Variants in GREB1 observed in about 807,000 individuals in gnomAD.
The protein encoded by GREB1 is growth regulating estrogen receptor binding 1.
A neutral mutation model predicts 200.7 loss-of-function variants in GREB1; 106 were observed. The observed-to-expected ratio is 0.53, with a 90% CI of 0.45 to 0.62. The LOEUF is 0.62. Ranked by LOEUF, GREB1 falls within the 20% of genes least tolerant of loss-of-function variation. The probability of loss-of-function intolerance (pLI) is 0.00; values close to 1 mark genes in which losing one functional copy is unlikely to be tolerated. For missense variants in GREB1, 2,243 were observed against 2,556.8 expected, an observed-to-expected ratio of 0.88 and a Z score of 2.65; for synonymous variants, 1,132 against 1,092.4, an observed-to-expected ratio of 1.04 and a Z score of -0.72.
chr2:11,582,492 C>T (rs943736890), intron 7 of GREB1, among the ~76,000 whole-genome samples: 2 of 152,216 alleles, frequency 1.3e-5, no homozygotes, highest in African/African-American at 2.4e-5. Context: ...TCTCTCCACC[C>T]GCCTATTAAA....
Position 11,592,864 on chromosome 2 carries a change from C to G in GREB1, c.1434C>G (p.Tyr478Ter). 6.3e-7 allele frequency: 1 copy of G among 1,599,538 alleles called. No homozygotes were observed. The highest frequency in any genetic ancestry group is 8.5e-7 in the Non-Finnish European group (1 of 1,175,166). ...RESHLTEIRQ[Y>*]QQAPPQPFPP... Reference sequence around the variant, plus strand: ...CGCACCTGACCGAGATCCGGCAGTACCAGCAGGCGCCGCCGCAGCCCTTCC... The same window carrying G: ...CGCACCTGACCGAGATCCGGCAGTAGCAGCAGGCGCCGCCGCAGCCCTTCC... The change falls in exon 11 of 33, where the codon TAC becomes TAG. Residue 478 changes from tyrosine (Y) to a stop codon, truncating the protein, a stop_gained. Transcript: ENST00000381486. LOFTEE classifies it high-confidence loss of function.
At chr2:11,537,123 T>TGTACAGATTACA in intron 1 of GREB1, among the ~76,000 whole-genome samples, 1 of 151,958 alleles carries the variant, frequency 6.6e-6, no homozygotes, top group South Asian at 2.1e-4. Context: ...CCACCGCGCC[T>TGTACAGATTACA]GGCTGATTTT....
At chr2:11,575,911 C>A (rs534241787) in intron 4 of GREB1, among the ~76,000 whole-genome samples, 80 of 152,212 alleles carry the variant, frequency 5.3e-4, no homozygotes, top group Admixed American at 9.2e-4. Context: ...CCCTCAAGCA[C>A]GTTAAATCTT....
rs770302375 is a variant in GREB1 at position 11,595,333 on chromosome 2, G to C, written c.1779G>C (p.Thr593=). 45 of 1,613,822 alleles carry C rather than the reference G, an allele frequency of 2.8e-5. No individual in the cohort carries two copies. Among genetic ancestry groups the C allele is most frequent in the Non-Finnish European group, 3.6e-5 (43 of 1,179,898 alleles). ...AGGAAGTCAATTACGAGCTGGTTAC[G>C]GGGAAGGTAGACTCGCTGGGGGCCT... ...YQKEVNYELV[T]GKVDSLGAFF... is the part of the protein sequence containing the mutation. The change falls in exon 12 of 33, where the codon ACG becomes ACC. Residue 593 remains threonine, a synonymous_variant. Coordinates refer to ENST00000381486, the MANE Select transcript of GREB1 (RefSeq NM_014668.4).
At chr2:11,594,877 G>A (rs1681065545) in intron 11 of GREB1, among the ~76,000 whole-genome samples, 1 of 152,000 alleles carries the variant, frequency 6.6e-6, no homozygotes, top group African/African-American at 2.4e-5. Context: ...TGTATTTTTA[G>A]TAGAGACGGG....
At chr2:11,545,560 C>T (rs1338618170) in intron 1 of GREB1, among the ~76,000 whole-genome samples, 1 of 152,142 alleles carries the variant, frequency 6.6e-6, no homozygotes, top group Non-Finnish European at 1.5e-5. Context: ...TAAAAAGCAA[C>T]TTAAAAAAAA....
chr2:11,607,424 ATGTATG>A (rs1295525368), intron 17 of GREB1, among the ~76,000 whole-genome samples: 17 of 77,022 alleles, frequency 2.2e-4, no homozygotes, highest in Admixed American at 1.6e-3. Context: ...CATCCAGTAT[ATGTATG>A]TGTGTGTGTG....
At chr2:11,572,818 C>A (rs992711051) in intron 4 of GREB1, among the ~76,000 whole-genome samples, 1 of 152,176 alleles carries the variant, frequency 6.6e-6, no homozygotes, top group East Asian at 1.9e-4. Flanking sequence ...CAAATCCTAA[C>A]TCCAGCACTT....
Position 11,569,201 on chromosome 2 carries a change from G to A in GREB1, c.454+2545G>A, listed in dbSNP as rs977311910. Among the ~76,000 whole-genome samples the A allele has an allele frequency of 4.6e-5, 7 of 152,302 alleles. No homozygotes were observed. The South Asian group carries it at 6.2e-4, about 14-fold the overall frequency. ...GACATAAAAAAGGAAAACATATTCC[G>A]CTAGATTGTTTTTTCTTAGATGGGA... On this transcript the variant is annotated intron_variant, in intron 4 of 32. Transcript: ENST00000381486.
Position 11,484,674 on chromosome 2 carries a change from C to T in GREB1, c.-159+2293C>T, listed in dbSNP as rs531617777. 1.3e-4 allele frequency among the ~76,000 whole-genome samples: 20 copies of T among 151,836 alleles called. No individual in the cohort carries two copies. In the East Asian group the frequency reaches 3.1e-3, roughly 23 times the overall value. On this transcript the variant is annotated intron_variant, in intron 1 of 2. Transcript: ENST00000628795. ...GTGGCACATGCCTGTAGTCCTAGCA[C>T]TTGGAGCCTAAGCTGGGAGGGTCTC...
At chr2:11,529,501 A>T (rs1353171804), upstream of GREB1, among the ~76,000 whole-genome samples, 1 of 152,226 alleles carries the variant, frequency 6.6e-6, no homozygotes, top group Non-Finnish European at 1.5e-5. Flanking sequence ...TTACCTGATG[A>T]TGGGGGTGTA....
At position 11,548,215 on chromosome 2, in the gene GREB1, C is replaced by T. The variant is rs1675471540; in HGVS notation, c.-161-8239C>T. ...CCCACCACACATTCTCACATGCACACAGCCAGACATGTGCACACATGTGCA... is the reference window on the plus strand; with the variant it reads ...CCCACCACACATTCTCACATGCACATAGCCAGACATGTGCACACATGTGCA... On this transcript the variant is annotated intron_variant, in intron 1 of 32. Transcript: ENST00000381486. This position sits in a 1 kb window ranked among gnomAD's most constrained non-coding sequence, Gnocchi z 5.1. Among the ~76,000 whole-genome samples, 1 of 151,778 alleles carries T rather than the reference C, an allele frequency of 6.6e-6. No homozygotes were observed. Among genetic ancestry groups the T allele is most frequent in the East Asian group, 1.9e-4 (1 of 5,190 alleles).
At position 11,597,857 on chromosome 2, in the gene GREB1, C is replaced by G; in HGVS notation, c.2031C>G (p.Ser677=). The change falls in exon 14 of 33, where the codon TCC becomes TCG. Residue 677 remains serine, a synonymous_variant. Coordinates refer to ENST00000381486, the MANE Select transcript of GREB1 (RefSeq NM_014668.4). The surrounding 1 kb of genome is among the most constrained non-coding windows in gnomAD (Gnocchi z 4.1). ...AGAAGCTCCTCTCCCATGTGTGTTC[C>G]ATTGCGGATTCCAGCACCCAAAATC... The part of the protein sequence containing the change: ...VAQKLLSHVC[S]IADSSTQNLD... 6.2e-7 allele frequency: 1 copy of G among 1,614,176 alleles called. No individual in the cohort carries two copies. The highest frequency in any genetic ancestry group is 8.5e-7 in the Non-Finnish European group (1 of 1,180,004).
intron 1 of GREB1, among the ~76,000 whole-genome samples, chr2:11,487,891 C>T (rs372364171): frequency 6.3e-4 from 96 of 152,270 alleles, no homozygotes; most frequent in African/African-American, 2.1e-3. Flanking sequence ...CAACAAAAGG[C>T]GGTGGACTGC....
chr2:11,575,472 C>A (rs1024431153), intron 4 of GREB1, among the ~76,000 whole-genome samples: 1 of 152,172 alleles, frequency 6.6e-6, no homozygotes, highest in East Asian at 1.9e-4. Context: ...GTTGCCACTG[C>A]GTAGGAAGCC....
intron 1 of GREB1, among the ~76,000 whole-genome samples, chr2:11,513,889 T>C (rs1406744381): frequency 1.3e-5 from 2 of 152,136 alleles, no homozygotes; most frequent in Non-Finnish European, 2.9e-5. Context: ...AGCCAGTAAT[T>C]TCTGAGTAAT....
intron 10 of GREB1, among the ~76,000 whole-genome samples, chr2:11,590,814 G>C (rs1389722925): frequency 6.6e-6 from 1 of 152,170 alleles, no homozygotes; most frequent in African/African-American, 2.4e-5. Flanking sequence ...GAATAGTTGA[G>C]GAATGGGTGA....
chr2:11,562,085 T>G (rs1322449876), intron 2 of GREB1, among the ~76,000 whole-genome samples: 1 of 152,212 alleles, frequency 6.6e-6, no homozygotes, highest in Non-Finnish European at 1.5e-5. Context: ...ATCAACCAAT[T>G]CGATACATAT....
At chr2:11,521,048 G>A (rs998382149) in intron 1 of GREB1, among the ~76,000 whole-genome samples, 2 of 152,178 alleles carry the variant, frequency 1.3e-5, no homozygotes, top group African/African-American at 2.4e-5. Flanking sequence ...CCTGAGCCAG[G>A]CATGTATAGG....
Sources: gnomAD v4.1 joint callset for allele counts (sites outside exome capture counted in the v4.1 genomes callset) on GRCh38, gnomAD v4.1.1 for gene constraint, Gnocchi (gnomAD v3.1) non-coding constraint, MANE v1.5 for transcripts, NCBI Gene and HGNC (gene_info 2026-07-23, HGNC 2026-07-21) for gene names.